The following SMIM18 variants were observed in gnomAD, a reference collection of about 807,000 sequenced individuals.
SMIM18 encodes the protein small integral membrane protein 18.
In SMIM18, 4 loss-of-function variants were observed where a neutral mutation model predicts 5.9. The ratio of observed to expected loss-of-function variants is 0.68; its 90% CI spans 0.33 to 1.56. The LOEUF is 1.56. Ranked by LOEUF, SMIM18 falls within the 40% of genes most tolerant of loss-of-function variation. The probability of loss-of-function intolerance (pLI) is 0.06; values close to 1 mark genes in which losing one functional copy is unlikely to be tolerated. For missense variants in SMIM18, 89 were observed against 109.7 expected (o/e 0.81, Z 0.84); for synonymous variants, 37 against 37.4 (o/e 0.99, Z 0.04).
chr8:30,640,738 T>C (rs921874070), intron 1 of SMIM18, among the ~76,000 whole-genome samples: 13 of 152,192 alleles, frequency 8.5e-5, no homozygotes, highest in African/African-American at 2.9e-4. Context: ...GGAGTCTCAC[T>C]CTATCGCCCA....
At position 30,639,285 on chromosome 8, in the gene SMIM18, ACTTC is replaced by A. The variant is rs538822211; in HGVS notation, c.-111+650_-111+653del. On this transcript the variant is annotated intron_variant, in intron 1 of 2. Coordinates refer to ENST00000517349, the MANE Select transcript of SMIM18 (RefSeq NM_001206847.2). The stretch of plus-strand genomic sequence containing the variant: ...GAACAGATAATTTATACAGCTTCAG[ACTTC>A]CTTAACATTTAATTAAAGTATTTCT... Among the ~76,000 whole-genome samples, 571 of 152,280 alleles carry A rather than the reference ACTTC, an allele frequency of 3.7e-3. 7 individuals are homozygous for A. Among genetic ancestry groups the A allele is most frequent in the African/African-American group, 0.012 (503 of 41,564 alleles).
At chr8:30,641,959 C>G (rs1161348931) in intron 1 of SMIM18, among the ~76,000 whole-genome samples, 2 of 152,134 alleles carry the variant, frequency 1.3e-5, no homozygotes, top group Non-Finnish European at 2.9e-5. Flanking sequence ...GGCCACAGCA[C>G]CCAGCCAAGC....
At position 30,645,714 on chromosome 8, in the gene SMIM18, T is replaced by C; in HGVS notation, c.*117T>C. 3 of 1,069,028 alleles carry C rather than the reference T, an allele frequency of 2.8e-6. No homozygotes were observed. The highest frequency in any genetic ancestry group is 3.9e-6 in the Non-Finnish European group (3 of 766,390). 66.2% of individuals were successfully genotyped at this position (1,069,028 alleles called of 1,614,324 possible). ...AAATTCTGACTGAATGGTTAAAACA[T>C]TTCTAGTAGAAGGGGAAAAAAAAGT... On this transcript the variant is annotated 3_prime_UTR_variant, in exon 3 of 3. Transcript: ENST00000517349.
intron 1 of SMIM18, among the ~76,000 whole-genome samples, chr8:30,641,337 ATAG>A (rs1409358818): frequency 6.6e-6 from 1 of 152,040 alleles, no homozygotes. Context: ...GGTGTTACCT[ATAG>A]TTATTATTAA....
At chr8:30,639,918 T>C (rs1006638350) in intron 1 of SMIM18, among the ~76,000 whole-genome samples, 1 of 151,924 alleles carries the variant, frequency 6.6e-6, no homozygotes, top group Non-Finnish European at 1.5e-5. Context: ...TAGAAACCAT[T>C]TGTGCTTGCT....
intron 1 of SMIM18, among the ~76,000 whole-genome samples, chr8:30,643,228 C>T (rs183423440): frequency 6.6e-6 from 1 of 152,254 alleles, no homozygotes; most frequent in Non-Finnish European, 1.5e-5. Flanking sequence ...AAAATAGAGT[C>T]CTCACCATTG....
At chr8:30,641,905 G>T (rs1801848962) in intron 1 of SMIM18, among the ~76,000 whole-genome samples, 1 of 152,020 alleles carries the variant, frequency 6.6e-6, no homozygotes, top group South Asian at 2.1e-4. Flanking sequence ...GTGCTCAAGT[G>T]ATCCTCCTGC....
At chr8:30,645,160 A>C (rs1295123427) in intron 2 of SMIM18, 121 bp from the exon 3 acceptor site, 2 of 849,872 alleles carry the variant, frequency 2.4e-6, no homozygotes, top group African/African-American at 3.4e-5. Flanking sequence ...ACTACCATTT[A>C]GGCATTAATT....
chr8:30,644,343 G>C (rs1311759213), intron 1 of SMIM18, 149 bp from the exon 2 acceptor site: 1 of 151,972 alleles, frequency 6.6e-6, no homozygotes, highest in Non-Finnish European at 1.5e-5. Context: ...TATGTCTATG[G>C]GTCACTCAGG....
At chr8:30,640,555 G>T (rs904711545) in intron 1 of SMIM18, among the ~76,000 whole-genome samples, 21 of 152,072 alleles carry the variant, frequency 1.4e-4, no homozygotes, top group African/African-American at 5.1e-4. Context: ...GCATGGGTAG[G>T]GAAGTCCAGA....
At position 30,644,173 on chromosome 8, in the gene SMIM18, G is replaced by C. The variant is rs1801970801; in HGVS notation, c.-110-319G>C. On this transcript the variant is annotated intron_variant, in intron 1 of 2. Transcript: ENST00000517349. The stretch of plus-strand genomic sequence containing the variant: ...TATAGTTCCATACTGACAAATCTTT[G>C]ATTCTAACAGTCCCCATTTAAGAGC... 2.6e-5 allele frequency among the ~76,000 whole-genome samples: 4 copies of C among 152,270 alleles called. No homozygotes were observed. The South Asian group carries it at 8.3e-4, about 32-fold the overall frequency.
intron 1 of SMIM18, among the ~76,000 whole-genome samples, chr8:30,641,867 C>T (rs559564718): frequency 2.0e-5 from 3 of 152,216 alleles, no homozygotes; most frequent in Admixed American, 6.5e-5. Context: ...CAGAACGAGA[C>T]TCTGTCTCAA....
intron 1 of SMIM18, chr8:30,643,921 T>C (rs1801958860): frequency 6.6e-6 from 1 of 152,170 alleles, no homozygotes; most frequent in African/African-American, 2.4e-5. Context: ...TGGTACACAT[T>C]AGGTAATCAA....
intron 1 of SMIM18, among the ~76,000 whole-genome samples, chr8:30,639,655 T>G (rs2978264): frequency 0.031 from 4,647 of 152,276 alleles, 100 homozygotes; most frequent in African/African-American, 0.048. Flanking sequence ...GCATGAAAAT[T>G]TAGTTATTTA....
intron 1 of SMIM18, chr8:30,643,773 C>A (rs1210974221): frequency 6.6e-6 from 1 of 151,186 alleles, no homozygotes; most frequent in Non-Finnish European, 1.5e-5. Context: ...AAGTCTTAAC[C>A]CAATTTTTGA....
intron 1 of SMIM18, among the ~76,000 whole-genome samples, chr8:30,640,493 A>G (rs1801777685): frequency 6.6e-6 from 1 of 152,222 alleles, no homozygotes; most frequent in Non-Finnish European, 1.5e-5. Context: ...ATGCTAAAAA[A>G]AAATTATGTG....
chr8:30,641,813 T>G (rs1801844876), intron 1 of SMIM18, among the ~76,000 whole-genome samples: 1 of 151,968 alleles, frequency 6.6e-6, no homozygotes, highest in Non-Finnish European at 1.5e-5. Context: ...GATGCAGAGG[T>G]TGCAGTGAGT....
chr8:30,640,617 A>G (rs1388602174), intron 1 of SMIM18, among the ~76,000 whole-genome samples: 1 of 152,230 alleles, frequency 6.6e-6, no homozygotes, highest in African/African-American at 2.4e-5. Context: ...TGCTTTTCAT[A>G]AAGAATGTTT....
intron 1 of SMIM18, among the ~76,000 whole-genome samples, chr8:30,640,604 TCTTG>T: frequency 6.6e-6 from 1 of 152,364 alleles, no homozygotes; most frequent in Non-Finnish European, 1.5e-5. Context: ...CACCATTTTC[TCTTG>T]CTTTTCATAA....
Sources: allele counts gnomAD v4.1 joint callset (sites outside exome capture counted in the v4.1 genomes callset), GRCh38; gene constraint gnomAD v4.1.1; transcripts MANE v1.5; gene names NCBI Gene and HGNC (gene_info 2026-07-23, HGNC 2026-07-21).